DNAH12: variants seen among roughly 807,000 people sequenced by gnomAD.
DNAH12 encodes the protein dynein axonemal heavy chain 12.
A neutral mutation model predicts 371.5 loss-of-function variants in DNAH12; 285 were observed. The ratio of observed to expected loss-of-function variants is 0.77; its 90% CI spans 0.70 to 0.85. The LOEUF (loss-of-function observed/expected upper bound fraction) is 0.85. Ranked by LOEUF, DNAH12 falls within the 40% of genes least tolerant of loss-of-function variation. The probability of loss-of-function intolerance (pLI) is 0.00; values close to 1 mark genes in which losing one functional copy is unlikely to be tolerated. For missense variants in DNAH12, 3,611 were observed against 3,689.4 expected (o/e 0.98, Z 0.55); for synonymous variants, 1,200 against 1,213.0 (o/e 0.99, Z 0.22).
rs1409626573 is a variant in DNAH12 at position 57,361,444 on chromosome 3, C to CACTATATATATATATATATATATATATA, written c.9360+2149_9360+2150insTATATATATATATATATATATATATAGT. Among the ~76,000 whole-genome samples, 105 of 116,626 alleles carry CACTATATATATATATATATATATATATA rather than the reference C, an allele frequency of 9.0e-4. 2 individuals carry two copies. The highest frequency in any genetic ancestry group is 4.1e-3 in the African/African-American group (96 of 23,672). 76.5% of individuals were successfully genotyped at this position (116,626 alleles called of 152,430 possible). On this transcript the variant is annotated intron_variant, in intron 58 of 73. Transcript: ENST00000495027. ...CACTATATATATATACACACACACA[C>CACTATATATATATATATATATATATATA]TATATATATATATATATATATATAT...
Position 57,433,524 on chromosome 3 carries a change from A to AG in DNAH12, c.4840-18dup. 6.5e-7 allele frequency: 1 copy of AG among 1,542,840 alleles called. No individual in the cohort carries two copies. On this transcript the variant is annotated splice_polypyrimidine_tract_variant and intron_variant, in intron 31 of 73. Coordinates refer to ENST00000495027, the MANE Select transcript of DNAH12 (RefSeq NM_001366028.2). The stretch of plus-strand genomic sequence containing the variant: ...ATCAGTCCACTGAGGAGGAAAAAAA[A>AG]GAATTAAAAAGCTCTCCTCATAAAA...
intron 58 of DNAH12, among the ~76,000 whole-genome samples, chr3:57,360,259 C>G (rs1047476037): frequency 1.3e-5 from 2 of 152,108 alleles, no homozygotes; most frequent in African/African-American, 2.4e-5. Flanking sequence ...AGACCCTACT[C>G]CTTTGGCTCC....
intron 69 of DNAH12, 35 bp downstream of exon 69, chr3:57,309,116 T>C: frequency 7.0e-7 from 1 of 1,428,522 alleles, no homozygotes; most frequent in Non-Finnish European, 9.4e-7. Flanking sequence ...AAGAAGACAG[T>C]TGCCTTCTGA....
In DNAH12 at chr3:57,410,773, G is replaced by A. The variant is rs186395684; in HGVS notation, c.6021-2238C>T. Among the ~76,000 whole-genome samples the A allele has an allele frequency of 2.8e-4, 42 of 151,432 alleles. No individual in the cohort carries two copies. In the East Asian group the frequency reaches 4.3e-3, roughly 15 times the overall value. ...GGAGGTTGTAGTGAGCCAAGATCACGCCACTACACTCCAGCCTGAGTGACA... is the reference window on the plus strand; with the variant it reads ...GGAGGTTGTAGTGAGCCAAGATCACACCACTACACTCCAGCCTGAGTGACA... On this transcript the variant is annotated intron_variant, in intron 39 of 73. Transcript: ENST00000495027.
intron 11 of DNAH12, among the ~76,000 whole-genome samples, chr3:57,491,099 A>AAAAAAAAC (rs56259991): frequency 0.014 from 1,552 of 112,296 alleles, 5 homozygotes; most frequent in Non-Finnish European, 0.017. Flanking sequence ...AAAAAAAAAA[A>AAAAAAAAC]AACAACAAAT....
intron 70 of DNAH12, 121 bp downstream of exon 70, chr3:57,301,614 A>C: frequency 8.3e-7 from 1 of 1,208,756 alleles, no homozygotes; most frequent in Non-Finnish European, 1.1e-6. Flanking sequence ...ATATCTCCCC[A>C]GTTAACCCAA....
intron 2 of DNAH12, among the ~76,000 whole-genome samples, chr3:57,526,888 T>C (rs2068666475): frequency 6.6e-6 from 1 of 151,280 alleles, no homozygotes; most frequent in South Asian, 2.1e-4. Flanking sequence ...GGTTGGGGTG[T>C]GGGTGGCACT....
chr3:57,415,383 A>G (rs1360486317), intron 38 of DNAH12, 43 bp downstream of exon 38: 1 of 1,521,640 alleles, frequency 6.6e-7, no homozygotes, highest in Admixed American at 2.2e-5. Context: ...CAAATAAGAC[A>G]AAAAAATTAA....
chr3:57,389,795 CAT>C (rs1373984276), intron 45 of DNAH12, among the ~76,000 whole-genome samples: 13 of 87,138 alleles, frequency 1.5e-4, no homozygotes, highest in African/African-American at 3.9e-4. Flanking sequence ...TATATATACA[CAT>C]ATGTGTGTGT....
intron 60 of DNAH12, among the ~76,000 whole-genome samples, chr3:57,351,702 T>A (rs745312211): frequency 6.6e-6 from 1 of 152,272 alleles, no homozygotes; most frequent in South Asian, 2.1e-4. Context: ...ATGTAATATA[T>A]ATATATGTCA....
At position 57,444,639 on chromosome 3, in the gene DNAH12, A is replaced by T; in HGVS notation, c.4545+58T>A. On this transcript the variant is annotated intron_variant, in intron 29 of 73. Coordinates refer to ENST00000495027, the MANE Select transcript of DNAH12 (RefSeq NM_001366028.2). ...ACACATTAATAAATCTTGGTAAACA[A>T]TTGAGTCATCGGATGAATTTATTAT... The T allele has an allele frequency of 2.0e-6, 3 of 1,535,648 alleles. No individual in the cohort carries two copies. The African/African-American group carries it at 4.1e-5, about 21-fold the overall frequency.
chr3:57,347,233 A>G (rs1207803124), intron 60 of DNAH12, among the ~76,000 whole-genome samples: 18 of 152,248 alleles, frequency 1.2e-4, no homozygotes, highest in African/African-American at 4.1e-4. Context: ...ACAAAATGTT[A>G]GCAAATATTA....
In DNAH12 at chr3:57,460,168, A is replaced by C. The variant is rs927842193; in HGVS notation, c.2737-382T>G. On this transcript the variant is annotated intron_variant, in intron 19 of 73. Coordinates refer to ENST00000495027, the MANE Select transcript of DNAH12 (RefSeq NM_001366028.2). ...TCTGTAGACATTTTTGGTTGTCACA[A>C]CTGATGGGGGAAGATGCTACTAATG... Among the ~76,000 whole-genome samples, 2 of 152,070 alleles carry C rather than the reference A, an allele frequency of 1.3e-5. 1 individual carries two copies. Among genetic ancestry groups the C allele is most frequent in the Admixed American group, 1.3e-4 (2 of 15,254 alleles).
intron 22 of DNAH12, 88 bp downstream of exon 22, chr3:57,457,633 C>T: frequency 7.4e-7 from 1 of 1,344,940 alleles, no homozygotes; most frequent in Non-Finnish European, 9.9e-7. Flanking sequence ...ATAGTAAGAA[C>T]TTTAAGTGTT....
At chr3:57,514,531 T>A (rs569364285) in intron 4 of DNAH12, among the ~76,000 whole-genome samples, 44 of 152,160 alleles carry the variant, frequency 2.9e-4, no homozygotes, top group African/African-American at 9.6e-4. Context: ...AATCAAAAAT[T>A]AATGAGATTG....
intron 36 of DNAH12, among the ~76,000 whole-genome samples, chr3:57,421,227 A>G (rs1223871085): frequency 6.6e-6 from 1 of 152,232 alleles, no homozygotes; most frequent in Admixed American, 6.5e-5. Context: ...GATGAAATAA[A>G]ATTTGTATGA....
rs781122831 is a variant in DNAH12 at position 57,468,744 on chromosome 3, C to A, written c.2341G>T (p.Ala781Ser). 2 of 1,436,090 alleles carry A rather than the reference C, an allele frequency of 1.4e-6. No individual in the cohort carries two copies. Among genetic ancestry groups the A allele is most frequent in the East Asian group, 5.5e-5 (2 of 36,432 alleles). 89.0% of individuals were successfully genotyped at this position (1,436,090 alleles called of 1,614,324 possible). ...ATTATATATATTTATACCTTAAAAG[C>A]TTTTATCTGTTCCATGACTGTACTG... is the stretch of plus-strand genomic sequence containing the variant. ...MCSTVMEQIK[A>S]FKEYIPTVSI... The change falls in exon 17 of 74, where the codon GCT becomes TCT. Residue 781 changes from alanine (A) to serine (S), a missense_variant. Physicochemically the swap from Ala to Ser is moderately conservative, Grantham distance 99 (BLOSUM62 1). Transcript: ENST00000495027.
At chr3:57,503,817 CTACAAG>C (rs1343670274) in intron 9 of DNAH12, among the ~76,000 whole-genome samples, 193 bp downstream of exon 9, 1 of 152,100 alleles carries the variant, frequency 6.6e-6, no homozygotes, top group Non-Finnish European at 1.5e-5. Context: ...CAATTCATAG[CTACAAG>C]AAAAGTTCTA....
intron 52 of DNAH12, among the ~76,000 whole-genome samples, chr3:57,378,498 A>G (rs1432586419): frequency 3.9e-5 from 6 of 152,270 alleles, no homozygotes; most frequent in African/African-American, 9.6e-5. Context: ...TTGATCATTT[A>G]TTCTATCTTC....
Sources: allele counts gnomAD v4.1 joint callset (sites outside exome capture counted in the v4.1 genomes callset), GRCh38; gene constraint gnomAD v4.1.1; transcripts MANE v1.5; gene names NCBI Gene and HGNC (gene_info 2026-07-23, HGNC 2026-07-21).